The following ATM variants were observed in gnomAD, a reference collection of about 807,000 sequenced individuals.
ATM encodes the protein ATM serine/threonine kinase, also known as serine-protein kinase ATM.
ATM carries 308 observed loss-of-function variants against 387.0 expected under a neutral mutation model. That is an observed-to-expected ratio of 0.80 (90% CI 0.73 to 0.87). ATM has a LOEUF of 0.87. ATM is among the 40% of genes least tolerant of loss of function. The pLI, the probability that ATM is intolerant of heterozygous loss-of-function variation, is 0.00. For synonymous variants in ATM, 1,156 were observed against 1,187.3 expected (o/e 0.97, Z 0.54); for missense variants, 3,312 against 3,560.9 (o/e 0.93, Z 1.78).
intron 55 of ATM, 84 bp downstream of exon 55, chr11:108,335,193 G>A (rs1356069179): frequency 1.9e-6 from 3 of 1,600,492 alleles, no homozygotes; most frequent in African/African-American, 1.3e-5. Context: ...CTTTATTTGG[G>A]ATTTTGTCTT....
At chr11:108,281,194 G>C (rs1267203246) in intron 24 of ATM, 26 bp downstream of exon 24, 1 of 1,606,780 alleles carries the variant, frequency 6.2e-7, no homozygotes, top group East Asian at 2.2e-5. Context: ...TATTTTATTA[G>C]AAGCTTCCTT....
rs1591129223 is a variant in ATM at position 108,325,433 on chromosome 11, G to C, written c.6696G>C (p.Glu2232Asp). The C allele has an allele frequency of 6.2e-7, 1 of 1,613,574 alleles. No homozygotes were observed. Among genetic ancestry groups the C allele is most frequent in the African/African-American group, 1.3e-5 (1 of 74,948 alleles). The part of the protein sequence containing the change: ...PIMALRTVIL[E>D]ILMEKEMDNS... ...TGGCTCTACGCACAGTCATTTTGGA[G>C]ATCCTGATGGAAAAGGAAATGGACA... The change falls in exon 46 of 63, where the codon GAG becomes GAC. Residue 2232 changes from glutamate to aspartate, a missense_variant. Coordinates refer to ENST00000675843, the MANE Select transcript of ATM (RefSeq NM_000051.4).
chr11:108,315,531 G>T (rs634268), intron 40 of ATM, among the ~76,000 whole-genome samples: 1 of 151,752 alleles, frequency 6.6e-6, no homozygotes, highest in South Asian at 2.1e-4. Context: ...AAATTTTTCA[G>T]TAGTTCTAAA....
chr11:108,356,660 G>C (rs2137432712), intron 61 of ATM, among the ~76,000 whole-genome samples: 1 of 152,130 alleles, frequency 6.6e-6, no homozygotes, highest in Non-Finnish European at 1.5e-5. Flanking sequence ...TGCTAAGGTG[G>C]ATTTGGGAGT....
At chr11:108,261,298 G>C (rs2080868457) in intron 16 of ATM, among the ~76,000 whole-genome samples, 1 of 152,208 alleles carries the variant, frequency 6.6e-6, no homozygotes, top group Non-Finnish European at 1.5e-5. Flanking sequence ...AGAACGGGCA[G>C]ACTGCCTCCT....
intron 56 of ATM, among the ~76,000 whole-genome samples, chr11:108,341,340 C>T (rs770326740): frequency 3.3e-5 from 5 of 152,082 alleles, no homozygotes; most frequent in South Asian, 2.1e-4. Flanking sequence ...GTTGCCATTA[C>T]CCACTTTCTC....
intron 1 of ATM, chr11:108,223,490 T>C (rs1418169685): frequency 6.6e-6 from 1 of 152,214 alleles, no homozygotes; most frequent in African/African-American, 2.4e-5. Flanking sequence ...CTCTCTCGTA[T>C]TTAGTACTTT....
At chr11:108,332,173 A>G (rs987404397) in intron 52 of ATM, 136 bp downstream of exon 52, 5 of 1,138,564 alleles carry the variant, frequency 4.4e-6, no homozygotes, top group Non-Finnish European at 6.2e-6. Context: ...CACGCCTGTA[A>G]TCCCAGCACT....
At chr11:108,362,123 C>T (rs2090838343) in intron 61 of ATM, among the ~76,000 whole-genome samples, 1 of 139,966 alleles carries the variant, frequency 7.1e-6, no homozygotes, top group African/African-American at 2.7e-5. Context: ...ACAACCCCAT[C>T]AAAAAGTGGG....
intron 22 of ATM, among the ~76,000 whole-genome samples, chr11:108,274,736 GT>G (rs1314827892): frequency 6.6e-6 from 1 of 152,138 alleles, no homozygotes; most frequent in African/African-American, 2.4e-5. Context: ...CTGAGAGACT[GT>G]TACGATTTCC....
In ATM at chr11:108,321,357, A is replaced by G. The variant is rs1555117171; in HGVS notation, c.6509A>G (p.Tyr2170Cys). ...AGCCTTGAGTCTGTGTATTCGCTCT[A>G]TCCCACACTTAGCAGGTTGCAGGCC... Reference protein sequence around the residue: ...KRSLESVYSLYPTLSRLQAIG... With the variant: ...KRSLESVYSLCPTLSRLQAIG... The change falls in exon 45 of 63, where the codon TAT becomes TGT. Residue 2170 changes from tyrosine (Y) to cysteine (C), a missense_variant. Physicochemically the swap from Tyr to Cys is radical, Grantham distance 194. Coordinates refer to ENST00000675843, the MANE Select transcript of ATM (RefSeq NM_000051.4). 1 of 1,614,212 alleles carries G rather than the reference A, an allele frequency of 6.2e-7. No homozygotes were observed. The highest frequency in any genetic ancestry group is 8.5e-7 in the Non-Finnish European group (1 of 1,180,018).
chr11:108,316,944 A>T (rs2084715774), intron 42 of ATM, among the ~76,000 whole-genome samples: 1 of 151,466 alleles, frequency 6.6e-6, no homozygotes, highest in Admixed American at 6.6e-5. Flanking sequence ...ATAAATAAAT[A>T]AATTTTAGAG....
intron 60 of ATM, among the ~76,000 whole-genome samples, 178 bp downstream of exon 60, chr11:108,354,058 TACACACACACAAAC>T (rs1237894417): frequency 5.5e-4 from 37 of 67,056 alleles, no homozygotes; most frequent in South Asian, 2.7e-3. Flanking sequence ...TCTAAAAAAA[TACACACACACAAAC>T]ACACACACAC....
Position 108,292,709 on chromosome 11 carries a change from T to G in ATM, c.4527T>G (p.Cys1509Trp). Residue 1509 changes from cysteine (C) to tryptophan (W), a missense_variant, in exon 30 of 63, where the codon TGT becomes TGG. This residue lies in a region of ATM where 1,791 missense variants were observed against 1,804.5 expected (regional missense o/e 0.99). Coordinates refer to ENST00000675843, the MANE Select transcript of ATM (RefSeq NM_000051.4). ...TTTGCCAGACAGCCGTGACTTACTG[T>G]AAGGATGCTCTAGAAAACCATCTTC... Reference protein sequence around the residue: ...SQVCQTAVTYCKDALENHLHV... With the variant: ...SQVCQTAVTYWKDALENHLHV... The G allele has an allele frequency of 6.2e-7, 1 of 1,614,052 alleles. No homozygotes were observed. Among genetic ancestry groups the G allele is most frequent in the Non-Finnish European group, 8.5e-7 (1 of 1,179,966 alleles).
intron 22 of ATM, among the ~76,000 whole-genome samples, chr11:108,278,021 T>C (rs1402971603): frequency 6.6e-6 from 1 of 152,148 alleles, no homozygotes; most frequent in Non-Finnish European, 1.5e-5. Flanking sequence ...AATAACTGTT[T>C]TAAAATAAAT....
chr11:108,330,100 T>C, intron 49 of ATM, 114 bp from the exon 50 acceptor site: 1 of 1,185,182 alleles, frequency 8.4e-7, no homozygotes, highest in African/African-American at 1.5e-5. Context: ...AGTTTGCTTT[T>C]TTCCCTGGGA....
chr11:108,239,900 G>T (rs2079472807), intron 5 of ATM, among the ~76,000 whole-genome samples: 1 of 152,152 alleles, frequency 6.6e-6, no homozygotes, highest in African/African-American at 2.4e-5. Flanking sequence ...TCTAATTTCT[G>T]TGCTCAAGCT....
intron 25 of ATM, 123 bp downstream of exon 25, chr11:108,283,002 A>G (rs921000091): frequency 9.6e-6 from 6 of 623,328 alleles, no homozygotes; most frequent in African/African-American, 7.4e-5. Context: ...GGGAGCCTAC[A>G]TAGTATGAGA....
rs1269513731 is a variant in ATM at position 108,284,283 on chromosome 11, T to G, written c.3803T>G (p.Val1268Gly). ...HLVIRSHFDE[V>G]KSIANQIQED... ...GTGATTAGAAGTCATTTTGATGAGG[T>G]GAAGTCCATTGCTAATCAGATTCAA... is the stretch of plus-strand genomic sequence containing the variant. Residue 1268 changes from valine to glycine, a missense_variant, in exon 26 of 63, where the codon GTG (valine) becomes GGG (glycine). Val to Gly is a moderately radical substitution (Grantham distance 109). Around this residue, in one of 4 missense-constraint regions of ATM, gnomAD observed 1,791 missense variants for 1,804.5 expected, o/e 0.99. Transcript: ENST00000675843. 2 of 1,613,444 alleles carry G rather than the reference T, an allele frequency of 1.2e-6. No individual in the cohort carries two copies. Among genetic ancestry groups the G allele is most frequent in the Non-Finnish European group, 8.5e-7 (1 of 1,179,542 alleles).
Sources: allele counts gnomAD v4.1 joint callset (sites outside exome capture counted in the v4.1 genomes callset), GRCh38; gene constraint gnomAD v4.1.1; regional missense constraint gnomAD v4.1.1; transcripts MANE v1.5; gene names NCBI Gene and HGNC (gene_info 2026-07-23, HGNC 2026-07-21).